Variants in GAS2 observed in about 807,000 individuals in gnomAD.
GAS2 encodes the protein growth arrest specific 2, also known as growth arrest-specific protein 2.
In GAS2, 20 loss-of-function variants were observed where a neutral mutation model predicts 37.5. The observed-to-expected ratio is 0.53, with a 90% CI of 0.37 to 0.77. The LOEUF (loss-of-function observed/expected upper bound fraction) is 0.77, where lower values mean the gene tolerates loss of function less well. Ranked by LOEUF, GAS2 falls within the 30% of genes least tolerant of loss-of-function variation. The pLI, the probability that GAS2 is intolerant of heterozygous loss-of-function variation, is 0.00. For synonymous variants in GAS2, 144 were observed against 132.2 expected, an observed-to-expected ratio of 1.09 and a Z score of -0.61; for missense variants, 336 against 373.4, an observed-to-expected ratio of 0.90 and a Z score of 0.82.
chr11:22,667,796 A>C (rs529874748), intron 1 of GAS2, among the ~76,000 whole-genome samples: 5 of 152,092 alleles, frequency 3.3e-5, no homozygotes, highest in African/African-American at 1.2e-4. Context: ...GAGGGTTGTT[A>C]ATTCTTTTCC....
intron 7 of GAS2, among the ~76,000 whole-genome samples, chr11:22,781,148 T>G (rs925551667): frequency 6.6e-6 from 1 of 152,168 alleles, no homozygotes; most frequent in Non-Finnish European, 1.5e-5. Flanking sequence ...TGGCAGAGTC[T>G]GCTGTCCTTT....
chr11:22,662,720 A>G (rs1388252524), upstream of GAS2, among the ~76,000 whole-genome samples: 9 of 151,994 alleles, frequency 5.9e-5, no homozygotes, highest in African/African-American at 1.9e-4. Flanking sequence ...ACTGCATAGG[A>G]TATTTAAAAC....
At chr11:22,701,657 C>T (rs752129929) in intron 3 of GAS2, among the ~76,000 whole-genome samples, 9 of 152,172 alleles carry the variant, frequency 5.9e-5, no homozygotes, top group Non-Finnish European at 7.4e-5. Context: ...AGTGAAACCC[C>T]GTCTCTACTA....
At chr11:22,655,260 C>T (rs1308474552) in intron 1 of GAS2, among the ~76,000 whole-genome samples, 1 of 152,216 alleles carries the variant, frequency 6.6e-6, no homozygotes, top group Non-Finnish European at 1.5e-5. Flanking sequence ...TTTGCTCTCC[C>T]ATGGAATGTC....
chr11:22,647,054 C>T (rs992057987), intron 1 of GAS2, among the ~76,000 whole-genome samples: 2 of 150,994 alleles, frequency 1.3e-5, no homozygotes, highest in South Asian at 4.2e-4. Flanking sequence ...GTATATCTCC[C>T]AATGCTATCC....
intron 7 of GAS2, among the ~76,000 whole-genome samples, chr11:22,805,987 G>A (rs956119291): frequency 6.6e-6 from 1 of 152,022 alleles, no homozygotes; most frequent in African/African-American, 2.4e-5. Flanking sequence ...GCAACCTGTT[G>A]TATCAGCAAG....
In GAS2 at chr11:22,792,174, T is replaced by C. The variant is rs190652515; in HGVS notation, c.724-19624T>C. Among the ~76,000 whole-genome samples the C allele has an allele frequency of 2.6e-5, 4 of 152,238 alleles. No homozygotes were observed. In the East Asian group the frequency reaches 7.7e-4, roughly 29 times the overall value. ...ATAGTTTGTCATAAGAAAACACATATCATTTGAGAGAGGTGGACTAAACAA... is the reference window on the plus strand; with the variant it reads ...ATAGTTTGTCATAAGAAAACACATACCATTTGAGAGAGGTGGACTAAACAA... On this transcript the variant is annotated intron_variant, in intron 7 of 7. Transcript: ENST00000454584.
At chr11:22,656,304 G>A (rs981494835) in intron 1 of GAS2, among the ~76,000 whole-genome samples, 2 of 152,138 alleles carry the variant, frequency 1.3e-5, no homozygotes, top group African/African-American at 2.4e-5. Flanking sequence ...AGGGAATTGG[G>A]TAACTTCCTT....
chr11:22,747,126 G>A (rs1853451276), intron 5 of GAS2, among the ~76,000 whole-genome samples: 1 of 152,104 alleles, frequency 6.6e-6, no homozygotes, highest in African/African-American at 2.4e-5. Flanking sequence ...CTTTATTAAA[G>A]CCTTATATGC....
upstream of GAS2, among the ~76,000 whole-genome samples, chr11:22,663,044 C>T (rs544867223): frequency 2.6e-5 from 4 of 152,054 alleles, no homozygotes; most frequent in African/African-American, 9.6e-5. Context: ...AGGAAACTTA[C>T]AATCATGGGG....
chr11:22,740,856 A>G (rs1853035922), intron 5 of GAS2, among the ~76,000 whole-genome samples: 1 of 152,234 alleles, frequency 6.6e-6, no homozygotes, highest in Non-Finnish European at 1.5e-5. Flanking sequence ...TTTAAGCAGA[A>G]CTAGAAGTGA....
At chr11:22,656,750 T>C (rs1483950710) in intron 1 of GAS2, among the ~76,000 whole-genome samples, 1 of 152,176 alleles carries the variant, frequency 6.6e-6, no homozygotes, top group Non-Finnish European at 1.5e-5. Context: ...CACAGAGATA[T>C]TGCTTATTAC....
intron 3 of GAS2, among the ~76,000 whole-genome samples, chr11:22,712,377 A>G (rs891147782): frequency 1.3e-5 from 2 of 152,190 alleles, no homozygotes; most frequent in Non-Finnish European, 2.9e-5. Context: ...ATCACAGGAC[A>G]CTTTGCAGAC....
upstream of GAS2, among the ~76,000 whole-genome samples, chr11:22,664,164 T>G (rs1848948977): frequency 6.6e-6 from 1 of 152,162 alleles, no homozygotes; most frequent in Admixed American, 6.5e-5. Context: ...TTTACCAAAT[T>G]TAACCCAGTG....
chr11:22,780,404 A>G (rs568669773), intron 7 of GAS2, among the ~76,000 whole-genome samples: 1 of 152,046 alleles, frequency 6.6e-6, no homozygotes, highest in East Asian at 1.9e-4. Context: ...CAGAGGCAGG[A>G]GAATTGCTTG....
At position 22,812,981 on chromosome 11, in the gene GAS2, G is replaced by A. The variant is rs1010646784; in HGVS notation, c.*965G>A. On this transcript the variant is annotated 3_prime_UTR_variant, in exon 8 of 8. Coordinates refer to ENST00000454584, the MANE Select transcript of GAS2 (RefSeq NM_001143830.3). ...GTCCTTACTCATTCAAGAATTAAAA[G>A]GATAAATTTTAAAAATGTTATCTGT... 6.6e-6 allele frequency: 1 copy of A among 152,442 alleles called. No homozygotes were observed. The highest frequency in any genetic ancestry group is 2.4e-5 in the African/African-American group (1 of 41,408). The allele number at this position is 152,442 out of a possible 1,614,324, so 9.4% of individuals were successfully genotyped here.
At chr11:22,762,227 G>A (rs369550377) in intron 7 of GAS2, among the ~76,000 whole-genome samples, 1 of 152,118 alleles carries the variant, frequency 6.6e-6, no homozygotes. Context: ...ATTCCATTTG[G>A]AAATGATTTT....
chr11:22,717,316 A>G (rs933198237), intron 3 of GAS2, among the ~76,000 whole-genome samples: 2 of 152,200 alleles, frequency 1.3e-5, no homozygotes, highest in African/African-American at 4.8e-5. Context: ...CCAATGGAAC[A>G]AAATATATAA....
chr11:22,718,341 G>T (rs1851784859), intron 3 of GAS2, among the ~76,000 whole-genome samples: 1 of 151,898 alleles, frequency 6.6e-6, no homozygotes, highest in South Asian at 2.1e-4. Flanking sequence ...TCATAAAATG[G>T]AATGAAATAA....
Sources: gnomAD v4.1 joint callset for allele counts (sites outside exome capture counted in the v4.1 genomes callset) on GRCh38, gnomAD v4.1.1 for gene constraint, MANE v1.5 for transcripts, NCBI Gene and HGNC (gene_info 2026-07-23, HGNC 2026-07-21) for gene names.